HMGCLL1: variants seen among roughly 807,000 people sequenced by gnomAD.
HMGCLL1 encodes 3-hydroxy-3-methylglutaryl-CoA lyase like 1.
A neutral mutation model predicts 39.1 loss-of-function variants in HMGCLL1; 36 were observed. The observed-to-expected ratio is 0.92, with a 90% CI of 0.71 to 1.22. The LOEUF (loss-of-function observed/expected upper bound fraction) is 1.22. HMGCLL1 is among the 50% of genes most tolerant of loss of function. HMGCLL1 has a pLI of 0.00. For synonymous variants in HMGCLL1, 149 were observed against 144.0 expected (o/e 1.03, Z -0.25); for missense variants, 451 against 416.5 (o/e 1.08, Z -0.72).
At chr6:55,666,714 G>T in the HMGCLL1 span, among the ~76,000 whole-genome samples, 5 of 151,588 alleles carry the variant, frequency 3.3e-5, no homozygotes, top group Non-Finnish European at 7.4e-5. Flanking sequence ...CATCTTAAAT[G>T]TTTGATTTAT....
At chr6:55,615,783 C>G in the HMGCLL1 span, among the ~76,000 whole-genome samples, 6 of 152,022 alleles carry the variant, frequency 3.9e-5, no homozygotes, top group African/African-American at 1.4e-4. Flanking sequence ...ACAACTTCCT[C>G]TCTACCAACT....
the HMGCLL1 span, among the ~76,000 whole-genome samples, chr6:55,632,891 C>G: frequency 6.6e-6 from 1 of 152,034 alleles, no homozygotes; most frequent in Non-Finnish European, 1.5e-5. Context: ...ATTTTATTGA[C>G]TGGCTGGGGA....
chr6:55,640,151 G>A, the HMGCLL1 span, among the ~76,000 whole-genome samples: 51,563 of 151,686 alleles, frequency 0.34, 9,073 homozygotes, highest in African/African-American at 0.42. Context: ...GAGGAGGAGG[G>A]GCAGGTGGGA....
chr6:55,515,504 T>C (rs1165208955), intron 4 of HMGCLL1, among the ~76,000 whole-genome samples: 2 of 152,084 alleles, frequency 1.3e-5, no homozygotes, highest in African/African-American at 4.8e-5. Flanking sequence ...ATGAAACAGC[T>C]ATAGCGCAAA....
the HMGCLL1 span, among the ~76,000 whole-genome samples, chr6:55,594,954 A>G: frequency 1.3e-5 from 2 of 152,340 alleles, no homozygotes; most frequent in Non-Finnish European, 2.9e-5. Context: ...TTAAAAAAAT[A>G]TATTGTGCAG....
At chr6:55,500,850 T>C (rs536739070) in intron 5 of HMGCLL1, among the ~76,000 whole-genome samples, 4 of 152,116 alleles carry the variant, frequency 2.6e-5, no homozygotes, top group South Asian at 2.1e-4. Flanking sequence ...CATGCTAATA[T>C]ATAAATACAT....
At chr6:55,537,005 A>G (rs1018804020) in intron 3 of HMGCLL1, among the ~76,000 whole-genome samples, 2 of 152,234 alleles carry the variant, frequency 1.3e-5, no homozygotes, top group African/African-American at 4.8e-5. Context: ...CCTTAAAAGT[A>G]GAAATTATTT....
chr6:55,665,153 T>G, the HMGCLL1 span, among the ~76,000 whole-genome samples: 1 of 151,734 alleles, frequency 6.6e-6, no homozygotes, highest in Admixed American at 6.6e-5. Flanking sequence ...CCTACATATT[T>G]TTACATGTCT....
the HMGCLL1 span, among the ~76,000 whole-genome samples, chr6:55,634,939 T>A: frequency 6.6e-6 from 1 of 152,148 alleles, no homozygotes; most frequent in Non-Finnish European, 1.5e-5. Context: ...GACAGCTTAT[T>A]ATTGGTTAAG....
intron 5 of HMGCLL1, among the ~76,000 whole-genome samples, chr6:55,506,087 G>T (rs929567464): frequency 6.6e-6 from 1 of 151,620 alleles, no homozygotes; most frequent in Non-Finnish European, 1.5e-5. Context: ...TGAAGGCTGG[G>T]TCTTTCTACT....
chr6:55,669,059 C>A, the HMGCLL1 span, among the ~76,000 whole-genome samples: 1 of 148,402 alleles, frequency 6.7e-6, no homozygotes, highest in Admixed American at 6.8e-5. Flanking sequence ...AAAGTACCAA[C>A]AACTAGAGCC....
intron 5 of HMGCLL1, among the ~76,000 whole-genome samples, chr6:55,504,293 A>G (rs1462467549): frequency 2.0e-5 from 3 of 151,706 alleles, no homozygotes; most frequent in African/African-American, 7.3e-5. Context: ...TATATTTTTA[A>G]TGACTTCATT....
the HMGCLL1 span, among the ~76,000 whole-genome samples, chr6:55,628,957 T>C: frequency 1.4e-4 from 21 of 152,264 alleles, 1 homozygote; most frequent in East Asian, 3.7e-3. Flanking sequence ...TTGTTCAGTC[T>C]CAGGTATGTA....
the HMGCLL1 span, among the ~76,000 whole-genome samples, chr6:55,665,284 G>A: frequency 1.6e-4 from 24 of 151,682 alleles, no homozygotes; most frequent in African/African-American, 5.8e-4. Context: ...TTTTAAAGTA[G>A]ATTCTGAAAA....
At chr6:55,639,939 G>T in the HMGCLL1 span, among the ~76,000 whole-genome samples, 1 of 152,030 alleles carries the variant, frequency 6.6e-6, no homozygotes, top group East Asian at 1.9e-4. Context: ...TTAGCCAGGC[G>T]TGGTGGCATG....
intron 7 of HMGCLL1, among the ~76,000 whole-genome samples, chr6:55,489,595 G>A (rs552586569): frequency 6.6e-6 from 1 of 151,912 alleles, no homozygotes; most frequent in East Asian, 1.9e-4. Flanking sequence ...ATTTTTAAAA[G>A]GTAAAAATTA....
chr6:55,532,078 C>G (rs9475344), intron 3 of HMGCLL1, among the ~76,000 whole-genome samples: 102,056 of 151,900 alleles, frequency 0.67, 34,497 homozygotes, highest in Admixed American at 0.72. Flanking sequence ...TGCCAAAAAG[C>G]CTGGGGACCT....
At chr6:55,613,071 C>A in the HMGCLL1 span, among the ~76,000 whole-genome samples, 1 of 151,962 alleles carries the variant, frequency 6.6e-6, no homozygotes, top group African/African-American at 2.4e-5. Flanking sequence ...GTATAACATC[C>A]AGAATTTACA....
intron 5 of HMGCLL1, among the ~76,000 whole-genome samples, chr6:55,507,426 A>T (rs1031174441): frequency 2.0e-5 from 3 of 151,666 alleles, no homozygotes; most frequent in African/African-American, 7.3e-5. Context: ...CCAGCCCTCA[A>T]ACTAAACCCA....
Sources: allele counts gnomAD v4.1 joint callset (sites outside exome capture counted in the v4.1 genomes callset), GRCh38; gene constraint gnomAD v4.1.1; transcripts MANE v1.5; gene names NCBI Gene and HGNC (gene_info 2026-07-23, HGNC 2026-07-21).